NBEA: variants seen among roughly 807,000 people sequenced by gnomAD.
The protein encoded by NBEA is neurobeachin, also known as lysosomal-trafficking regulator 2.
NBEA carries 44 observed loss-of-function variants against 343.4 expected under a neutral mutation model. That is an observed-to-expected ratio of 0.13 (90% CI 0.10 to 0.16). The LOEUF is 0.16. NBEA is among the 10% of genes least tolerant of loss of function. The probability of loss-of-function intolerance (pLI) is 1.00; values close to 1 mark genes in which losing one functional copy is unlikely to be tolerated. For missense variants in NBEA, 2,555 were observed against 3,631.3 expected (o/e 0.70, Z 7.62); for synonymous variants, 1,175 against 1,238.7 (o/e 0.95, Z 1.08).
chr13:35,644,644 T>C (rs1266294545), intron 49 of NBEA, among the ~76,000 whole-genome samples: 1 of 152,204 alleles, frequency 6.6e-6, no homozygotes, highest in African/African-American at 2.4e-5. Context: ...GTTTAGCTGT[T>C]CATGATACAT....
At chr13:35,444,959 T>C (rs1276583438) in intron 39 of NBEA, among the ~76,000 whole-genome samples, 1 of 152,172 alleles carries the variant, frequency 6.6e-6, no homozygotes, top group Non-Finnish European at 1.5e-5. Context: ...CACCTGTACT[T>C]CATGCTATCA....
chr13:35,509,571 C>G (rs911441004), intron 41 of NBEA, among the ~76,000 whole-genome samples: 1 of 152,168 alleles, frequency 6.6e-6, no homozygotes, highest in Non-Finnish European at 1.5e-5. Context: ...ATTTGGCCAC[C>G]GGCTTAAGCC....
At chr13:35,236,406 TTTTTG>T (rs147528572) in intron 34 of NBEA, among the ~76,000 whole-genome samples, 4,404 of 147,122 alleles carry the variant, frequency 0.03, 121 homozygotes, top group African/African-American at 0.068. Context: ...CATTTAATCC[TTTTTG>T]TTTTGTTTTG....
chr13:35,316,726 C>A (rs991993148), intron 36 of NBEA, among the ~76,000 whole-genome samples: 12 of 152,216 alleles, frequency 7.9e-5, no homozygotes, highest in African/African-American at 2.9e-4. Flanking sequence ...CTCCCACCAA[C>A]AGTGTAACAG....
chr13:35,409,218 A>G (rs1040696239), intron 38 of NBEA, among the ~76,000 whole-genome samples: 1 of 152,150 alleles, frequency 6.6e-6, no homozygotes, highest in Non-Finnish European at 1.5e-5. Flanking sequence ...GCTGGAGGCC[A>G]TTATCCTAAG....
At chr13:35,241,855 G>A (rs1467269442) in intron 34 of NBEA, among the ~76,000 whole-genome samples, 1 of 151,836 alleles carries the variant, frequency 6.6e-6, no homozygotes, top group Non-Finnish European at 1.5e-5. Context: ...TCAACACAGT[G>A]CAGCATACAT....
chr13:35,578,226 G>A (rs1216981749), intron 45 of NBEA, among the ~76,000 whole-genome samples: 1 of 152,168 alleles, frequency 6.6e-6, no homozygotes, highest in Non-Finnish European at 1.5e-5. Flanking sequence ...CCACTGACTA[G>A]CAACATGATC....
intron 8 of NBEA, among the ~76,000 whole-genome samples, chr13:35,060,021 A>C (rs1434463174): frequency 6.6e-6 from 1 of 151,646 alleles, no homozygotes; most frequent in African/African-American, 2.4e-5. Flanking sequence ...TGGTTCTGCC[A>C]TTGTTGATCT....
chr13:35,382,168 A>C (rs1231246680), intron 38 of NBEA, among the ~76,000 whole-genome samples: 1 of 152,108 alleles, frequency 6.6e-6, no homozygotes, highest in Non-Finnish European at 1.5e-5. Flanking sequence ...TAGTACTGAA[A>C]ACCTGATGAC....
chr13:35,497,595 C>T (rs2076730103), intron 41 of NBEA, among the ~76,000 whole-genome samples: 1 of 152,026 alleles, frequency 6.6e-6, no homozygotes. Context: ...CTGCATAAAT[C>T]TGGGTGCAGT....
At chr13:35,562,222 C>T (rs2079887573) in intron 44 of NBEA, among the ~76,000 whole-genome samples, 1 of 151,880 alleles carries the variant, frequency 6.6e-6, no homozygotes, top group Non-Finnish European at 1.5e-5. Flanking sequence ...TTTCAAAGAA[C>T]ATTAAATTTT....
intron 1 of NBEA, among the ~76,000 whole-genome samples, chr13:34,952,186 A>G (rs1256144087): frequency 6.6e-6 from 1 of 152,176 alleles, no homozygotes; most frequent in African/African-American, 2.4e-5. Flanking sequence ...TAGTACTTAG[A>G]AATTATCCCA....
chr13:35,599,618 T>C (rs1370530984), intron 47 of NBEA, among the ~76,000 whole-genome samples: 2 of 152,230 alleles, frequency 1.3e-5, no homozygotes, highest in African/African-American at 4.8e-5. Flanking sequence ...TCTTAAACTC[T>C]TAGGCTGCCC....
intron 1 of NBEA, among the ~76,000 whole-genome samples, chr13:35,031,005 T>A (rs545561097): frequency 7.9e-5 from 12 of 151,740 alleles, no homozygotes; most frequent in Non-Finnish European, 1.5e-4. Flanking sequence ...TATGTAATTA[T>A]TTGGCTCTAC....
At chr13:35,237,249 G>A (rs1028673237) in intron 34 of NBEA, among the ~76,000 whole-genome samples, 3 of 152,024 alleles carry the variant, frequency 2.0e-5, no homozygotes, top group Admixed American at 6.6e-5. Context: ...AGACCCTGTC[G>A]CTAAAAAGAA....
intron 41 of NBEA, among the ~76,000 whole-genome samples, chr13:35,524,280 C>T (rs187014974): frequency 7.7e-4 from 117 of 152,270 alleles, no homozygotes; most frequent in African/African-American, 2.8e-3. Context: ...GAGTATGTTT[C>T]AAAACACCAA....
At chr13:35,476,794 G>A (rs917333954) in intron 41 of NBEA, 2 of 1,030,272 alleles carry the variant, frequency 1.9e-6, no homozygotes, top group Non-Finnish European at 1.2e-6. Flanking sequence ...GCTCCAACCC[G>A]GCTAATTAAT....
At chr13:35,012,690 T>C (rs1411558407) in intron 1 of NBEA, among the ~76,000 whole-genome samples, 1 of 152,226 alleles carries the variant, frequency 6.6e-6, no homozygotes, top group Non-Finnish European at 1.5e-5. Flanking sequence ...CAGTAAAGTA[T>C]ATTTTGTATA....
intron 47 of NBEA, among the ~76,000 whole-genome samples, chr13:35,604,140 T>C (rs867963): frequency 0.018 from 2,794 of 152,264 alleles, 92 homozygotes; most frequent in African/African-American, 0.063. Context: ...ATGATAGTCA[T>C]TGCTGATAGA....
Sources: allele counts gnomAD v4.1 joint callset (sites outside exome capture counted in the v4.1 genomes callset), GRCh38; gene constraint gnomAD v4.1.1; transcripts MANE v1.5; gene names NCBI Gene and HGNC (gene_info 2026-07-23, HGNC 2026-07-21).